The following PGLYRP4 variants were observed in gnomAD, a reference collection of about 807,000 sequenced individuals.
The protein encoded by PGLYRP4 is PGRP-I-beta.
A neutral mutation model predicts 41.2 loss-of-function variants in PGLYRP4; 39 were observed. The ratio of observed to expected loss-of-function variants is 0.95; its 90% CI spans 0.73 to 1.24. The LOEUF is 1.24. Ranked by LOEUF, PGLYRP4 falls within the 50% of genes most tolerant of loss-of-function variation. The probability of loss-of-function intolerance (pLI) is 0.00; values close to 1 mark genes in which losing one functional copy is unlikely to be tolerated. For missense variants in PGLYRP4, 467 were observed against 460.7 expected (o/e 1.01, Z -0.13); for synonymous variants, 202 against 186.8 (o/e 1.08, Z -0.66).
At chr1:153,347,410 C>T (rs1379315476) in intron 2 of PGLYRP4, among the ~76,000 whole-genome samples, 1 of 151,246 alleles carries the variant, frequency 6.6e-6, no homozygotes, top group East Asian at 2.0e-4. Flanking sequence ...CGCTCTGTCA[C>T]CCAGGTTGGA....
chr1:153,346,528 C>A (rs1011509916), intron 2 of PGLYRP4, among the ~76,000 whole-genome samples: 1 of 152,078 alleles, frequency 6.6e-6, no homozygotes, highest in African/African-American at 2.4e-5. Flanking sequence ...CCACAAAGTC[C>A]TCTCTTGTGT....
rs760927181 is a variant in PGLYRP4, at chr1:153,330,794, G to A, written c.1095C>T (p.Ile365=). The A allele has an allele frequency of 1.2e-6, 2 of 1,613,880 alleles. No individual in the cohort carries two copies. The highest frequency in any genetic ancestry group is 1.6e-4 in the Middle Eastern group (1 of 6,084). The part of the protein sequence containing the change: ...LSPGQALYNI[I]STWPHFKH ...AGTGTTTGAAATGAGGCCAGGTGCTGATGATGTTGTACAAAGCCTGCCCAG... is the reference window on the plus strand; with the variant it reads ...AGTGTTTGAAATGAGGCCAGGTGCTAATGATGTTGTACAAAGCCTGCCCAG... Residue 365 remains isoleucine, a synonymous_variant, in exon 9 of 9, where the codon ATC becomes ATT. Coordinates refer to ENST00000359650, the MANE Select transcript of PGLYRP4 (RefSeq NM_020393.4).
intron 8 of PGLYRP4, among the ~76,000 whole-genome samples, chr1:153,336,369 C>CAAAAAAAAAAAAAAAA (rs58665160): frequency 5.2e-5 from 4 of 76,498 alleles, no homozygotes; most frequent in African/African-American, 1.1e-4. Flanking sequence ...GACTCCATCT[C>CAAAAAAAAAAAAAAAA]AAAAAAAAAA....
rs1199608137 is a variant in PGLYRP4 at position 153,342,643 on chromosome 1, G to GA, written c.472+446_472+447insT. ...GTCAGAGATTAGGGGACCCAGAGTG[G>GA]TTTTTTTTTAGAAATATATAGAAAA... is the stretch of plus-strand genomic sequence containing the variant. On this transcript the variant is annotated intron_variant, in intron 5 of 8. Coordinates refer to ENST00000359650, the MANE Select transcript of PGLYRP4 (RefSeq NM_020393.4). 3.3e-5 allele frequency among the ~76,000 whole-genome samples: 5 copies of GA among 151,940 alleles called. No individual in the cohort carries two copies. In the East Asian group the frequency reaches 9.7e-4, roughly 29 times the overall value.
At chr1:153,336,393 CAAAG>C (rs1660567617) in intron 8 of PGLYRP4, among the ~76,000 whole-genome samples, 1 of 90,446 alleles carries the variant, frequency 1.1e-5, no homozygotes, top group Non-Finnish European at 2.3e-5. Context: ...AAAAAAAAAA[CAAAG>C]AAAGAAAAGA....
At chr1:153,342,352 T>C (rs1381066362) in intron 5 of PGLYRP4, among the ~76,000 whole-genome samples, 1 of 152,194 alleles carries the variant, frequency 6.6e-6, no homozygotes, top group Non-Finnish European at 1.5e-5. Context: ...ATATGGACCA[T>C]GTTCTGATTC....
chr1:153,337,109 C>CT, intron 8 of PGLYRP4, 72 bp downstream of exon 8: 3 of 1,120,032 alleles, frequency 2.7e-6, no homozygotes, highest in Non-Finnish European at 4.1e-6. Flanking sequence ...GAGACTGAGA[C>CT]TTTGTCTTCC....
chr1:153,336,853 T>A (rs569712413), intron 8 of PGLYRP4, among the ~76,000 whole-genome samples: 1 of 152,310 alleles, frequency 6.6e-6, no homozygotes, highest in South Asian at 2.1e-4. Flanking sequence ...TACATTGTTG[T>A]CATGGTAACC....
intron 8 of PGLYRP4, among the ~76,000 whole-genome samples, chr1:153,332,177 T>C (rs1459747249): frequency 2.0e-5 from 3 of 151,682 alleles, no homozygotes; most frequent in Admixed American, 2.0e-4. Flanking sequence ...CTATATCAAG[T>C]AAAACAGACT....
intron 8 of PGLYRP4, among the ~76,000 whole-genome samples, chr1:153,332,915 CT>C (rs1470701628): frequency 6.6e-6 from 1 of 151,806 alleles, no homozygotes; most frequent in Non-Finnish European, 1.5e-5. Flanking sequence ...CATCAAATGC[CT>C]CTATCAGAAA....
Position 153,345,297 on chromosome 1 carries a change from T to C in PGLYRP4, c.225A>G (p.Pro75=). 6.2e-7 allele frequency: 1 copy of C among 1,614,180 alleles called. No homozygotes were observed. Among genetic ancestry groups the C allele is most frequent in the Non-Finnish European group, 8.5e-7 (1 of 1,180,024 alleles). The change falls in exon 4 of 9, where the codon CCA becomes CCG. Residue 75 remains proline, a synonymous_variant. Coordinates refer to ENST00000359650, the MANE Select transcript of PGLYRP4 (RefSeq NM_020393.4). ...CATGGTGTATAACAAGGACATTCAC[T>C]GGCGTGGTCAGCTGAATACTGCAGC... ...AVGCSIQLTT[P]VNVLVIHHVP...
intron 8 of PGLYRP4, among the ~76,000 whole-genome samples, chr1:153,332,293 C>T (rs1655308): frequency 0.4 from 60,875 of 151,562 alleles, 12,401 homozygotes; most frequent in South Asian, 0.55. Context: ...ATGCACCCAA[C>T]TCATATATAT....
chr1:153,335,432 G>GA (rs35282752), intron 8 of PGLYRP4, among the ~76,000 whole-genome samples: 1 of 152,040 alleles, frequency 6.6e-6, no homozygotes, highest in Non-Finnish European at 1.5e-5. Context: ...CAAAAACCAT[G>GA]AAAAAATGCT....
chr1:153,332,381 C>T (rs1660375419), intron 8 of PGLYRP4, among the ~76,000 whole-genome samples: 1 of 151,972 alleles, frequency 6.6e-6, no homozygotes, highest in Non-Finnish European at 1.5e-5. Context: ...ATTCATAAAA[C>T]AAATACTGCT....
intron 5 of PGLYRP4, among the ~76,000 whole-genome samples, chr1:153,342,302 T>C (rs1660833881): frequency 6.6e-6 from 1 of 152,226 alleles, no homozygotes; most frequent in Non-Finnish European, 1.5e-5. Flanking sequence ...CAGAGTCCTC[T>C]GGAGTGCTGG....
At chr1:153,335,997 T>A (rs1171111278) in intron 8 of PGLYRP4, among the ~76,000 whole-genome samples, 1 of 151,896 alleles carries the variant, frequency 6.6e-6, no homozygotes, top group Non-Finnish European at 1.5e-5. Flanking sequence ...TTGAATCACT[T>A]CAATGTCCAT....
rs1660997420 is a variant in PGLYRP4, at chr1:153,346,111, T to A, written c.130A>T (p.Thr44Ser). The change falls in exon 3 of 9, where the codon ACT (threonine) becomes TCT (serine). Residue 44 changes from threonine to serine, a missense_variant. By Grantham distance (58) the Thr-to-Ser change is moderately conservative. Coordinates refer to ENST00000359650, the MANE Select transcript of PGLYRP4 (RefSeq NM_020393.4). ...TCCAGATCCAGTTTACCTTTTTCAG[T>A]GAGCTGGGAGATGTTCTCAAATAGG... Reference protein sequence around the residue: ...QYLFENISQLTEKGLPTDVST... With the variant: ...QYLFENISQLSEKGLPTDVST... 6.2e-7 allele frequency: 1 copy of A among 1,611,636 alleles called. No homozygotes were observed.
chr1:153,330,533 G>C lies in PGLYRP4; in HGVS notation c.*234C>G, dbSNP rs1201558830. 2.9e-6 allele frequency: 1 copy of C among 340,536 alleles called. No homozygotes were observed. Among genetic ancestry groups the C allele is most frequent in the African/African-American group, 2.0e-5 (1 of 49,018 alleles). 21.1% of individuals were successfully genotyped at this position (340,536 alleles called of 1,614,324 possible). ...GGGTTTCCAAGGGAGAGGAAGGTAAGGAGAGAAGAAATCTGGACTCAGACT... is the reference window on the plus strand; with the variant it reads ...GGGTTTCCAAGGGAGAGGAAGGTAACGAGAGAAGAAATCTGGACTCAGACT... On this transcript the variant is annotated 3_prime_UTR_variant, in exon 9 of 9. Transcript: ENST00000359650.
At chr1:153,339,958 C>A (rs1033936461) in intron 7 of PGLYRP4, among the ~76,000 whole-genome samples, 1 of 152,160 alleles carries the variant, frequency 6.6e-6, no homozygotes, top group African/African-American at 2.4e-5. Context: ...ACGGGTCTAC[C>A]ATGAGGGGGA....
Sources: gnomAD v4.1 joint callset for allele counts (sites outside exome capture counted in the v4.1 genomes callset) on GRCh38, gnomAD v4.1.1 for gene constraint, MANE v1.5 for transcripts, NCBI Gene and HGNC (gene_info 2026-07-23, HGNC 2026-07-21) for gene names.